CPAMD8: variants seen among roughly 807,000 people sequenced by gnomAD.
CPAMD8 encodes C3 and PZP-like alpha-2-macroglobulin domain-containing protein 8.
CPAMD8 carries 146 observed loss-of-function variants against 224.7 expected under a neutral mutation model. The ratio of observed to expected loss-of-function variants is 0.65; its 90% CI spans 0.57 to 0.75. CPAMD8 has a LOEUF of 0.75. Ranked by LOEUF, CPAMD8 falls within the 30% of genes least tolerant of loss-of-function variation. CPAMD8 has a pLI of 0.00. For missense variants in CPAMD8, 2,301 were observed against 2,537.5 expected, an observed-to-expected ratio of 0.91 and a Z score of 2.00; for synonymous variants, 966 against 1,044.6, an observed-to-expected ratio of 0.92 and a Z score of 1.45.
chr19:17,011,201 A>G lies in CPAMD8; in HGVS notation c.486+263T>C, dbSNP rs12974618. Among the ~76,000 whole-genome samples the G allele has an allele frequency of 6.9e-3, 1,009 of 146,386 alleles. 5 individuals are homozygous for G. The highest frequency in any genetic ancestry group is 9.8e-3 in the Admixed American group (144 of 14,642). Reference sequence around the variant, plus strand: ...TAGAGCGAGAGACTCGGTCTTGGGGAAAAAAAAAAAATTAAGCAACAGTCC... The same window carrying G: ...TAGAGCGAGAGACTCGGTCTTGGGGGAAAAAAAAAAATTAAGCAACAGTCC... On this transcript the variant is annotated intron_variant, in intron 5 of 41. Transcript: ENST00000443236.
rs760559392 is a variant in CPAMD8 at position 16,896,287 on chromosome 19, T to A, written c.5315A>T (p.Asp1772Val). The stretch of plus-strand genomic sequence containing the variant: ...CCCCGGGGCCACAGAAGCCAGGTCA[T>A]CCCCGTAGGTGGAGGACGACGAGGC... ...LPASSSSTYGDDLASVAPGPL... is the reference protein window; with the variant it reads ...LPASSSSTYGVDLASVAPGPL... The change falls in exon 41 of 42, where the codon GAT (aspartate) becomes GTT (valine). Residue 1772 changes from aspartate (D) to valine (V), a missense_variant. Coordinates refer to ENST00000443236, the MANE Select transcript of CPAMD8 (RefSeq NM_015692.5). The A allele has an allele frequency of 6.2e-7, 1 of 1,612,232 alleles. No individual in the cohort carries two copies. The highest frequency in any genetic ancestry group is 2.2e-5 in the East Asian group (1 of 44,780).
rs1198740589 is a variant in CPAMD8 at position 16,903,842 on chromosome 19, G to A, written c.4267C>T (p.Leu1423=). The A allele has an allele frequency of 6.2e-7, 1 of 1,613,580 alleles. No individual in the cohort carries two copies. The highest frequency in any genetic ancestry group is 8.5e-7 in the Non-Finnish European group (1 of 1,180,018). ...FSSTQDTCVA[L]QALAEYAILS... ...ATGGCATATTCAGCCAAGGCCTGCA[G>A]AGCCACGCAGGTGTCCTGGGGATGG... The change falls in exon 33 of 42, where the codon CTG becomes TTG. Residue 1423 remains leucine, a synonymous_variant. Coordinates refer to ENST00000443236, the MANE Select transcript of CPAMD8 (RefSeq NM_015692.5).
intron 11 of CPAMD8, among the ~76,000 whole-genome samples, chr19:16,994,664 T>C (rs2056069649): frequency 7.2e-6 from 1 of 139,634 alleles, no homozygotes. Flanking sequence ...ACCACAGGTG[T>C]ACAATACCAT....
chr19:16,997,569 G>A (rs2056172528), intron 10 of CPAMD8, among the ~76,000 whole-genome samples: 1 of 152,140 alleles, frequency 6.6e-6, no homozygotes, highest in Admixed American at 6.5e-5. Flanking sequence ...AGAGGAAAGA[G>A]GCTGGGTGCG....
At chr19:17,013,723 G>A (rs1441125237) in intron 3 of CPAMD8, among the ~76,000 whole-genome samples, 1 of 151,662 alleles carries the variant, frequency 6.6e-6, no homozygotes, top group Admixed American at 6.6e-5. Flanking sequence ...GAACTAGATG[G>A]GGGGGCATTG....
chr19:16,979,693 A>T (rs1568556993), intron 14 of CPAMD8, among the ~76,000 whole-genome samples: 1 of 152,136 alleles, frequency 6.6e-6, no homozygotes, highest in East Asian at 1.9e-4. Context: ...GGCTATTGGC[A>T]TCTATGGGGT....
chr19:16,897,691 C>G lies in CPAMD8; in HGVS notation c.5065G>C (p.Gly1689Arg), dbSNP rs1217608260. 2.8e-5 allele frequency: 43 copies of G among 1,514,466 alleles called. No individual in the cohort carries two copies. The highest frequency in any genetic ancestry group is 3.5e-5 in the Non-Finnish European group (39 of 1,124,572). 93.8% of individuals were successfully genotyped at this position (1,514,466 alleles called of 1,614,324 possible). ...EVERAPARGP[G>R]WFPGESGPAV... ...GGCGGCAGTGGCTCCGCGCACTCAC[C>G]CGGGCCCCGGGCAGGGGCGCGCTCC... The change falls in exon 39 of 42, where the codon GGC becomes CGC. Residue 1689 changes from glycine to arginine, a missense_variant and splice_region_variant. Physicochemically the swap from Gly to Arg is moderately radical, Grantham distance 125. Coordinates refer to ENST00000443236, the MANE Select transcript of CPAMD8 (RefSeq NM_015692.5).
At chr19:17,004,456 C>A in intron 7 of CPAMD8, 70 bp from the exon 8 acceptor site, 2 of 979,968 alleles carry the variant, frequency 2.0e-6, no homozygotes, top group East Asian at 2.4e-5. Context: ...GAAGAGGGAG[C>A]CAGGACCCTG....
intron 1 of CPAMD8, among the ~76,000 whole-genome samples, chr19:17,022,910 C>T (rs754889382): frequency 6.6e-6 from 1 of 152,086 alleles, no homozygotes; most frequent in African/African-American, 2.4e-5. Flanking sequence ...CCCCGTCCCC[C>T]ACCACCGTGA....
At chr19:16,942,584 C>T (rs1347590001) in intron 22 of CPAMD8, among the ~76,000 whole-genome samples, 3 of 152,228 alleles carry the variant, frequency 2.0e-5, no homozygotes, top group Non-Finnish European at 4.4e-5. Flanking sequence ...TGACCATTGG[C>T]TGGGGCCCTG....
chr19:16,991,929 C>A (rs1343237056), intron 12 of CPAMD8, among the ~76,000 whole-genome samples: 2 of 151,974 alleles, frequency 1.3e-5, no homozygotes, highest in Non-Finnish European at 2.9e-5. Flanking sequence ...AGGTCCAACA[C>A]AAGAAAGCGT....
At chr19:16,945,509 A>C (rs2054040033) in intron 22 of CPAMD8, 40 bp downstream of exon 22, 2 of 1,600,168 alleles carry the variant, frequency 1.2e-6, no homozygotes, top group East Asian at 4.5e-5. Context: ...TGAAGGAATG[A>C]GGCCCTGGCT....
chr19:16,905,998 A>G (rs981823831), intron 30 of CPAMD8, among the ~76,000 whole-genome samples: 3 of 151,860 alleles, frequency 2.0e-5, no homozygotes, highest in African/African-American at 7.2e-5. Flanking sequence ...CCTGTCTCCC[A>G]GCACCCCTGT....
intron 30 of CPAMD8, among the ~76,000 whole-genome samples, chr19:16,905,770 G>C (rs900790604): frequency 2.0e-5 from 3 of 152,098 alleles, no homozygotes; most frequent in African/African-American, 7.2e-5. Context: ...AAACCTGTCT[G>C]AGCCCCAGTG....
At chr19:16,904,952 A>C (rs2052411989) in intron 30 of CPAMD8, among the ~76,000 whole-genome samples, 1 of 152,234 alleles carries the variant, frequency 6.6e-6, no homozygotes, top group Non-Finnish European at 1.5e-5. Context: ...AAAGGCTCAA[A>C]GATTCTGGCC....
intron 20 of CPAMD8, among the ~76,000 whole-genome samples, chr19:16,950,769 G>A (rs1463111971): frequency 4.1e-5 from 6 of 147,334 alleles, no homozygotes; most frequent in Non-Finnish European, 8.9e-5. Context: ...CTCCAGCCTG[G>A]GTGATAGAGT....
intron 29 of CPAMD8, among the ~76,000 whole-genome samples, chr19:16,908,453 T>C (rs1390072795): frequency 6.6e-6 from 1 of 152,002 alleles, no homozygotes; most frequent in African/African-American, 2.4e-5. Flanking sequence ...GTCACCTCCT[T>C]AGAGAAGCCC....
intron 23 of CPAMD8, among the ~76,000 whole-genome samples, chr19:16,937,653 T>C (rs997146854): frequency 1.6e-5 from 2 of 127,836 alleles, no homozygotes; most frequent in African/African-American, 8.7e-5. Context: ...CTTCATACTT[T>C]TTTTTTTTTT....
rs761432757 is a variant in CPAMD8, at chr19:17,011,710, G to A, written c.315C>T (p.Arg105=). 6.2e-6 allele frequency: 10 copies of A among 1,613,882 alleles called. No homozygotes were observed. The highest frequency in any genetic ancestry group is 2.2e-5 in the East Asian group (1 of 44,892). ...GGGGCCCCTCCTCCGCCTGCCAGCC[G>A]CGGCCCCACACTTTCAGAAGCGCTT... ...RGQALLKVWG[R]GWQAEEGPLF... is the part of the protein sequence containing the mutation. The change falls in exon 4 of 42, where the codon CGC becomes CGT. Residue 105 remains arginine (R), a synonymous_variant. Transcript: ENST00000443236.
Sources: allele counts gnomAD v4.1 joint callset (sites outside exome capture counted in the v4.1 genomes callset), GRCh38; gene constraint gnomAD v4.1.1; transcripts MANE v1.5; gene names NCBI Gene and HGNC (gene_info 2026-07-23, HGNC 2026-07-21).